The following PCTP variants were observed in gnomAD, a reference collection of about 807,000 sequenced individuals.
PCTP encodes the protein phosphatidylcholine transfer protein, also known as START domain-containing protein 2.
A neutral mutation model predicts 31.0 loss-of-function variants in PCTP; 27 were observed. That is an observed-to-expected ratio of 0.87 (90% confidence interval 0.64 to 1.20). The LOEUF (loss-of-function observed/expected upper bound fraction) is 1.20, where lower values mean the gene tolerates loss of function less well. Ranked by LOEUF, PCTP falls within the 50% of genes most tolerant of loss-of-function variation. PCTP has a pLI of 0.00. For missense variants in PCTP, 287 were observed against 268.2 expected, an observed-to-expected ratio of 1.07 and a Z score of -0.49; for synonymous variants, 108 against 101.2, an observed-to-expected ratio of 1.07 and a Z score of -0.40.
rs886727693 is a variant in PCTP at position 55,766,121 on chromosome 17, A to G, written c.142-1214A>G. On this transcript the variant is annotated intron_variant, in intron 1 of 5. Transcript: ENST00000268896. Reference sequence around the variant, plus strand: ...AATTACCTAGATGGCACTTATAGCTATCTCTAGCACTGCTGCCTACCTGAA... The same window carrying G: ...AATTACCTAGATGGCACTTATAGCTGTCTCTAGCACTGCTGCCTACCTGAA... 6.6e-5 allele frequency among the ~76,000 whole-genome samples: 10 copies of G among 152,250 alleles called. 1 individual carries two copies. Among genetic ancestry groups the G allele is most frequent in the African/African-American group, 2.4e-4 (10 of 41,560 alleles).
At chr17:55,795,373 G>A (rs1003969968) in intron 3 of PCTP, among the ~76,000 whole-genome samples, 2 of 152,048 alleles carry the variant, frequency 1.3e-5, no homozygotes, top group African/African-American at 2.4e-5. Flanking sequence ...TATTCATAGA[G>A]CATGTGGGGC....
intron 1 of PCTP, among the ~76,000 whole-genome samples, chr17:55,761,329 C>T (rs916187336): frequency 1.3e-5 from 2 of 151,990 alleles, no homozygotes; most frequent in African/African-American, 4.8e-5. Context: ...AAAACTCCTT[C>T]AAATACAAAA....
chr17:55,775,954 T>G, intron 5 of PCTP, 81 bp from the exon 6 acceptor site: 1 of 1,571,314 alleles, frequency 6.4e-7, no homozygotes, highest in Non-Finnish European at 8.6e-7. Flanking sequence ...AAGCCAACAT[T>G]GTTTACCTTC....
intron 3 of PCTP, among the ~76,000 whole-genome samples, chr17:55,797,496 C>T (rs1362926422): frequency 6.6e-6 from 1 of 151,922 alleles, no homozygotes; most frequent in Admixed American, 6.6e-5. Context: ...TCTGTTGGTA[C>T]CAGGGTTAAT....
chr17:55,834,382 G>A (rs1438233182), intron 5 of PCTP, among the ~76,000 whole-genome samples: 1 of 152,040 alleles, frequency 6.6e-6, no homozygotes, highest in Non-Finnish European at 1.5e-5. Context: ...GCCTCAGTGT[G>A]TGTTGTTCCC....
At chr17:55,837,417 C>A (rs559071503) in intron 5 of PCTP, among the ~76,000 whole-genome samples, 1 of 152,102 alleles carries the variant, frequency 6.6e-6, no homozygotes, top group Non-Finnish European at 1.5e-5. Flanking sequence ...TTCTTGGGTA[C>A]CTATAATGGT....
chr17:55,841,410 G>A (rs1168363083), intron 5 of PCTP, among the ~76,000 whole-genome samples: 3 of 152,162 alleles, frequency 2.0e-5, no homozygotes, highest in Non-Finnish European at 4.4e-5. Context: ...GAGCATGGAG[G>A]TGTCTCAGAA....
At chr17:55,798,479 A>G (rs1163346296) in intron 3 of PCTP, among the ~76,000 whole-genome samples, 1 of 152,022 alleles carries the variant, frequency 6.6e-6, no homozygotes, top group African/African-American at 2.4e-5. Flanking sequence ...ATGAAGGGCA[A>G]CCAAAGGAAA....
chr17:55,771,324 G>C (rs1484379827), intron 3 of PCTP, 139 bp downstream of exon 3: 1 of 687,038 alleles, frequency 1.5e-6, no homozygotes, highest in Admixed American at 2.4e-5. Context: ...AGCAGCATTT[G>C]CTAAAGATAT....
rs569823864 is a variant in PCTP at position 55,788,848 on chromosome 17, T to G, written c.317+1194T>G. ...CTCAGCTATGCAATGGTACTTGTCT[T>G]TCTTTTAAACTCTTTGGATTGTTTT... On this transcript the variant is annotated intron_variant, in intron 3 of 3. Transcript: ENST00000572536. Among the ~76,000 whole-genome samples the G allele has an allele frequency of 7.2e-5, 11 of 152,278 alleles. No homozygotes were observed. In the South Asian group the frequency reaches 1.2e-3, roughly 17 times the overall value.
At chr17:55,780,987 T>A (rs114349178), downstream of PCTP, among the ~76,000 whole-genome samples, 1,742 of 151,260 alleles carry the variant, frequency 0.012, 35 homozygotes, top group African/African-American at 0.038. Flanking sequence ...AGAAATAGAC[T>A]TCTTTCTTAT....
intron 1 of PCTP, among the ~76,000 whole-genome samples, chr17:55,761,704 G>A (rs1261240369): frequency 1.3e-5 from 2 of 151,162 alleles, no homozygotes; most frequent in African/African-American, 4.9e-5. Flanking sequence ...GTAGGGTCTT[G>A]TACGCATTTG....
chr17:55,775,752 CT>C (rs1191385834), intron 5 of PCTP: 3 of 1,257,596 alleles, frequency 2.4e-6, no homozygotes, highest in East Asian at 3.2e-5. Flanking sequence ...CTTGTGTTTT[CT>C]TTTTTCCAGA....
At chr17:55,850,530 C>A in the PCTP span, among the ~76,000 whole-genome samples, 7 of 152,112 alleles carry the variant, frequency 4.6e-5, no homozygotes, top group Admixed American at 3.9e-4. Context: ...TCCAGTTTCA[C>A]AAAGTTTGCA....
intron 1 of PCTP, among the ~76,000 whole-genome samples, chr17:55,754,439 G>A (rs185973431): frequency 6.6e-6 from 1 of 152,256 alleles, no homozygotes; most frequent in East Asian, 1.9e-4. Context: ...GAAGGATCTT[G>A]GAACTTCCAT....
intron 2 of PCTP, among the ~76,000 whole-genome samples, chr17:55,783,376 G>A (rs1391113978): frequency 6.6e-6 from 1 of 152,150 alleles, no homozygotes; most frequent in Non-Finnish European, 1.5e-5. Flanking sequence ...CCTGAAAGAA[G>A]AAAACCTGTA....
At chr17:55,762,315 G>A (rs1910381435) in intron 1 of PCTP, among the ~76,000 whole-genome samples, 5 of 152,114 alleles carry the variant, frequency 3.3e-5, no homozygotes, top group African/African-American at 4.8e-5. Context: ...TCATTTATAA[G>A]ACAAAGAAAG....
chr17:55,808,956 C>G (rs1401823287), intron 3 of PCTP, among the ~76,000 whole-genome samples: 1 of 152,194 alleles, frequency 6.6e-6, no homozygotes, highest in East Asian at 1.9e-4. Flanking sequence ...TATTTCTCCT[C>G]AATATCTGGT....
chr17:55,845,085 C>CAAAAAAAAAAA (rs891404386), downstream of PCTP, among the ~76,000 whole-genome samples: 144 of 32,520 alleles, frequency 4.4e-3, 11 homozygotes, highest in East Asian at 0.035. Flanking sequence ...AAAACTCCAT[C>CAAAAAAAAAAA]AAAAAAAAAA....
Sources: gnomAD v4.1 joint callset for allele counts (sites outside exome capture counted in the v4.1 genomes callset) on GRCh38, gnomAD v4.1.1 for gene constraint, MANE v1.5 for transcripts, NCBI Gene and HGNC (gene_info 2026-07-23, HGNC 2026-07-21) for gene names.